The following TMEM232 variants were observed in gnomAD, a reference collection of about 807,000 sequenced individuals.
TMEM232 encodes transmembrane protein 232.
TMEM232 carries 80 observed loss-of-function variants against 78.8 expected under a neutral mutation model. The observed-to-expected ratio is 1.01, with a 90% confidence interval of 0.85 to 1.22. TMEM232 has a LOEUF of 1.22. Among genes scored for constraint, TMEM232 ranks in the 50% most tolerant of loss-of-function variants. The probability of loss-of-function intolerance (pLI) is 0.00; values close to 1 mark genes in which losing one functional copy is unlikely to be tolerated. For synonymous variants in TMEM232, 297 were observed against 254.3 expected, an observed-to-expected ratio of 1.17 and a Z score of -1.60; for missense variants, 881 against 742.2, an observed-to-expected ratio of 1.19 and a Z score of -2.17.
At chr5:110,511,848 T>G (rs1402451804) in intron 12 of TMEM232, among the ~76,000 whole-genome samples, 1 of 152,168 alleles carries the variant, frequency 6.6e-6, no homozygotes. Context: ...TAAGATAAAA[T>G]GGAAAATCCT....
chr5:110,610,573 A>G lies in TMEM232; in HGVS notation c.903-4286T>C, dbSNP rs981893785. On this transcript the variant is annotated intron_variant, in intron 8 of 13. Coordinates refer to ENST00000455884, the MANE Select transcript of TMEM232 (RefSeq NM_001039763.4). ...CTCAAAGTGAAGTTTCTCTCTAGGTAAAGCACAGGATTTGCCTCAATAGGC... is the reference window on the plus strand; with the variant it reads ...CTCAAAGTGAAGTTTCTCTCTAGGTGAAGCACAGGATTTGCCTCAATAGGC... The G allele has an allele frequency of 2.8e-5, 13 of 456,248 alleles. No homozygotes were observed. The East Asian group carries it at 8.3e-4, about 29-fold the overall frequency. The allele number at this position is 456,248 out of a possible 1,614,324, so 28.3% of individuals were successfully genotyped here.
At chr5:110,484,545 A>T (rs967549491) in intron 12 of TMEM232, among the ~76,000 whole-genome samples, 6 of 152,096 alleles carry the variant, frequency 3.9e-5, no homozygotes, top group Non-Finnish European at 7.4e-5. Context: ...AATAATTTTT[A>T]AAAATATTCC....
intron 13 of TMEM232, among the ~76,000 whole-genome samples, chr5:110,421,549 A>G (rs1287923106): frequency 6.6e-6 from 1 of 151,832 alleles, no homozygotes; most frequent in Admixed American, 6.6e-5. Context: ...CTAGTATGCA[A>G]TATTGGACAT....
rs79815252 is a variant in TMEM232, at chr5:110,465,567, A to G, written c.1704-40651T>C. On this transcript the variant is annotated intron_variant, in intron 12 of 13. Coordinates refer to ENST00000455884, the MANE Select transcript of TMEM232 (RefSeq NM_001039763.4). ...GATTTTCATTGCCTATTTAGACTCA[A>G]TATTTTGGTATATAAATAGACATTT... Among the ~76,000 whole-genome samples the G allele has an allele frequency of 6.2e-3, 943 of 152,294 alleles. 3 individuals carry two copies. The highest frequency in any genetic ancestry group is 9.3e-3 in the Non-Finnish European group (631 of 68,008).
intron 1 of TMEM232, among the ~76,000 whole-genome samples, chr5:110,679,337 G>A (rs986440848): frequency 1.3e-5 from 2 of 152,124 alleles, no homozygotes; most frequent in East Asian, 3.8e-4. Context: ...TTGTTGAGGT[G>A]CTGTTAAGGT....
At chr5:110,711,605 G>T (rs1391514785) in intron 1 of TMEM232, among the ~76,000 whole-genome samples, 1 of 152,164 alleles carries the variant, frequency 6.6e-6, no homozygotes, top group East Asian at 1.9e-4. Context: ...CAATGGAGCA[G>T]AAGAGAGAAT....
chr5:110,680,480 A>G (rs1249384766), intron 1 of TMEM232, among the ~76,000 whole-genome samples: 2 of 151,776 alleles, frequency 1.3e-5, no homozygotes, highest in Non-Finnish European at 2.9e-5. Flanking sequence ...CATAAACATG[A>G]AAAGTATAAG....
intron 10 of TMEM232, among the ~76,000 whole-genome samples, chr5:110,595,812 A>G (rs1413009033): frequency 6.6e-6 from 1 of 152,194 alleles, no homozygotes; most frequent in African/African-American, 2.4e-5. Flanking sequence ...AGTGTACCTG[A>G]AAGTGATGGG....
intron 2 of TMEM232, among the ~76,000 whole-genome samples, chr5:110,649,077 A>G (rs1038579387): frequency 1.3e-5 from 2 of 152,132 alleles, no homozygotes; most frequent in South Asian, 2.1e-4. Context: ...TTGAAGACCC[A>G]AAGGTAAGTA....
At chr5:110,616,768 C>T (rs1056104485) in intron 8 of TMEM232, among the ~76,000 whole-genome samples, 1 of 152,078 alleles carries the variant, frequency 6.6e-6, no homozygotes, top group African/African-American at 2.4e-5. Context: ...CACCTCACAC[C>T]TGTTAGAATG....
At chr5:110,664,390 A>G (rs1790270100) in intron 2 of TMEM232, among the ~76,000 whole-genome samples, 1 of 152,246 alleles carries the variant, frequency 6.6e-6, no homozygotes, top group Admixed American at 6.5e-5. Flanking sequence ...GTAGAATTAC[A>G]TTAACAAATG....
At chr5:110,638,082 A>G in intron 5 of TMEM232, 116 bp downstream of exon 5, 1 of 818,546 alleles carries the variant, frequency 1.2e-6, no homozygotes, top group Non-Finnish European at 1.8e-6. Context: ...ACTACCAAAC[A>G]AAAGAATATT....
chr5:110,458,183 T>A (rs1205763897), intron 12 of TMEM232, among the ~76,000 whole-genome samples: 3 of 152,112 alleles, frequency 2.0e-5, no homozygotes, highest in African/African-American at 7.2e-5. Flanking sequence ...TAAGTTGATA[T>A]TTTTGTTTCT....
chr5:110,670,622 AT>A (rs376843318), intron 1 of TMEM232, among the ~76,000 whole-genome samples: 1,781 of 151,608 alleles, frequency 0.012, 45 homozygotes, highest in African/African-American at 0.04. Flanking sequence ...AGCAAATGGG[AT>A]TTTTTTTTCA....
chr5:110,434,886 C>T (rs1436832733), intron 12 of TMEM232, among the ~76,000 whole-genome samples: 5 of 151,952 alleles, frequency 3.3e-5, no homozygotes, highest in Non-Finnish European at 7.4e-5. Flanking sequence ...TCAGCAAATG[C>T]ATTTGATAAA....
At chr5:110,494,924 A>C (rs1765482837) in intron 12 of TMEM232, among the ~76,000 whole-genome samples, 1 of 151,860 alleles carries the variant, frequency 6.6e-6, no homozygotes, top group South Asian at 2.1e-4. Flanking sequence ...TCATGGAAAC[A>C]TATACTTATT....
chr5:110,423,788 T>TGTGTGC (rs1390749650), intron 13 of TMEM232, among the ~76,000 whole-genome samples: 1 of 151,354 alleles, frequency 6.6e-6, no homozygotes, highest in Non-Finnish European at 1.5e-5. Context: ...TGCGTGTGTG[T>TGTGTGC]GTGTGTGTGT....
At chr5:110,693,074 C>T (rs532886299) in intron 1 of TMEM232, among the ~76,000 whole-genome samples, 2 of 152,276 alleles carry the variant, frequency 1.3e-5, no homozygotes, top group South Asian at 2.1e-4. Context: ...GGTCTGACAC[C>T]TCACATGGCC....
intron 5 of TMEM232, among the ~76,000 whole-genome samples, chr5:110,630,819 T>C (rs1055110856): frequency 1.3e-5 from 2 of 151,990 alleles, no homozygotes; most frequent in Non-Finnish European, 2.9e-5. Context: ...GGGGAAAGTG[T>C]GTAAGAACTT....
Sources: allele counts gnomAD v4.1 joint callset (sites outside exome capture counted in the v4.1 genomes callset), GRCh38; gene constraint gnomAD v4.1.1; transcripts MANE v1.5; gene names NCBI Gene and HGNC (gene_info 2026-07-23, HGNC 2026-07-21).